Variants in CAB39 observed in about 807,000 individuals in gnomAD.
CAB39 encodes the protein calcium-binding protein 39.
A neutral mutation model predicts 40.0 loss-of-function variants in CAB39; 8 were observed. The ratio of observed to expected loss-of-function variants is 0.20; its 90% confidence interval spans 0.12 to 0.36. The LOEUF is 0.36. CAB39 is among the 10% of genes least tolerant of loss of function. CAB39 has a pLI of 1.00. For missense variants in CAB39, 270 were observed against 401.1 expected, an observed-to-expected ratio of 0.67 and a Z score of 2.79; for synonymous variants, 156 against 141.6, an observed-to-expected ratio of 1.10 and a Z score of -0.72.
intron 2 of CAB39, among the ~76,000 whole-genome samples, chr2:230,776,509 T>C (rs1485840964): frequency 6.6e-6 from 1 of 152,220 alleles, no homozygotes; most frequent in Non-Finnish European, 1.5e-5. Flanking sequence ...GTCTATACAT[T>C]TTATTACTTC....
chr2:230,727,524 CCCT>C (rs1694608899), intron 1 of CAB39, among the ~76,000 whole-genome samples: 1 of 151,122 alleles, frequency 6.6e-6, no homozygotes. Context: ...GAGTGATCCT[CCCT>C]CCTCAGCTTC....
intron 6 of CAB39, among the ~76,000 whole-genome samples, 164 bp downstream of exon 6, chr2:230,810,486 C>G (rs1431856507): frequency 6.6e-6 from 1 of 152,200 alleles, no homozygotes; most frequent in Non-Finnish European, 1.5e-5. Flanking sequence ...TAGAATATTA[C>G]TTGGTCAGAA....
At chr2:230,773,199 T>C (rs971932512) in intron 2 of CAB39, among the ~76,000 whole-genome samples, 3 of 151,728 alleles carry the variant, frequency 2.0e-5, no homozygotes, top group Non-Finnish European at 4.4e-5. Flanking sequence ...GGTTGCATGG[T>C]AGAGGGAGGG....
intron 1 of CAB39, among the ~76,000 whole-genome samples, chr2:230,742,558 C>CAA (rs112074993): frequency 8.5e-4 from 51 of 60,350 alleles, no homozygotes; most frequent in African/African-American, 2.4e-3. Flanking sequence ...AACATATTTG[C>CAA]AAAAAAAAAA....
chr2:230,808,348 C>T (rs1030703472), intron 5 of CAB39, among the ~76,000 whole-genome samples: 26 of 152,182 alleles, frequency 1.7e-4, no homozygotes, highest in African/African-American at 4.1e-4. Flanking sequence ...AGGCACTATT[C>T]TTTAGGGGTG....
intron 2 of CAB39, among the ~76,000 whole-genome samples, chr2:230,774,095 T>C (rs767161074): frequency 6.6e-6 from 1 of 152,224 alleles, no homozygotes; most frequent in African/African-American, 2.4e-5. Context: ...AAAGCTGTTA[T>C]TTACTAGGCT....
rs797016792 is a variant in CAB39 at position 230,796,347 on chromosome 2, A to AT, written c.399-2372dup. Among the ~76,000 whole-genome samples the AT allele has an allele frequency of 1.2e-3, 172 of 148,874 alleles. 1 individual carries two copies. Among genetic ancestry groups the AT allele is most frequent in the East Asian group, 0.01 (53 of 5,102 alleles). ...TAGTGTTAGACTACATTTGGAGGCGATTTTTTTTTTACTGGCAATTTACAT... is the reference window on the plus strand; with the variant it reads ...TAGTGTTAGACTACATTTGGAGGCGATTTTTTTTTTTACTGGCAATTTACAT... On this transcript the variant is annotated intron_variant, in intron 4 of 8. Coordinates refer to ENST00000258418, the MANE Select transcript of CAB39 (RefSeq NM_016289.4).
chr2:230,744,833 G>T (rs78197838), intron 1 of CAB39, among the ~76,000 whole-genome samples: 2 of 152,170 alleles, frequency 1.3e-5, no homozygotes, highest in African/African-American at 4.8e-5. Flanking sequence ...TGAAGTTCCT[G>T]TTTGTAAAAT....
At chr2:230,727,566 C>T (rs2124867581) in intron 1 of CAB39, among the ~76,000 whole-genome samples, 1 of 151,852 alleles carries the variant, frequency 6.6e-6, no homozygotes, top group African/African-American at 2.4e-5. Context: ...AGGTGTGCAC[C>T]ACCATACCCA....
At chr2:230,750,784 A>G (rs1294527353) in intron 1 of CAB39, among the ~76,000 whole-genome samples, 1 of 152,204 alleles carries the variant, frequency 6.6e-6, no homozygotes, top group Non-Finnish European at 1.5e-5. Flanking sequence ...AGATATGCAG[A>G]TACAGTGCTA....
intron 4 of CAB39, among the ~76,000 whole-genome samples, chr2:230,796,347 A>T (rs1428833209): frequency 2.0e-5 from 3 of 148,822 alleles, no homozygotes; most frequent in African/African-American, 7.4e-5. Context: ...TTTGGAGGCG[A>T]TTTTTTTTTT....
intron 1 of CAB39, among the ~76,000 whole-genome samples, chr2:230,737,823 A>G (rs1199584969): frequency 6.6e-6 from 1 of 152,216 alleles, no homozygotes; most frequent in Non-Finnish European, 1.5e-5. Flanking sequence ...CTTTGAGATT[A>G]AAAAGCAAGT....
At chr2:230,791,136 C>T in intron 3 of CAB39, 100 bp downstream of exon 3, 1 of 952,748 alleles carries the variant, frequency 1.0e-6, no homozygotes, top group Non-Finnish European at 1.5e-6. Flanking sequence ...CTTTTGGGCT[C>T]TTGGCTCAGG....
intron 1 of CAB39, among the ~76,000 whole-genome samples, chr2:230,718,970 T>C (rs1205814812): frequency 2.6e-5 from 4 of 152,232 alleles, no homozygotes; most frequent in Non-Finnish European, 5.9e-5. Context: ...TAATGTCTTC[T>C]TTTGGACCTT....
intron 1 of CAB39, among the ~76,000 whole-genome samples, chr2:230,736,390 C>A (rs189068736): frequency 5.3e-5 from 8 of 151,982 alleles, no homozygotes; most frequent in African/African-American, 1.9e-4. Flanking sequence ...TTTCTTCTCC[C>A]CTTCTGTCTC....
At chr2:230,799,022 G>T (rs1163252883) in intron 5 of CAB39, 125 bp downstream of exon 5, 5 of 667,552 alleles carry the variant, frequency 7.5e-6, no homozygotes, top group Admixed American at 3.2e-5. Flanking sequence ...GATACATTTT[G>T]TATATGTTTG....
At chr2:230,784,107 G>A (rs1481091664) in intron 2 of CAB39, among the ~76,000 whole-genome samples, 1 of 152,196 alleles carries the variant, frequency 6.6e-6, no homozygotes, top group Admixed American at 6.5e-5. Flanking sequence ...TTTGGGTGGT[G>A]ATGGTAGACG....
In CAB39 at chr2:230,819,833, A is replaced by G. The variant is rs1354292322; in HGVS notation, c.*1129A>G. 3 of 152,504 alleles carry G rather than the reference A, an allele frequency of 2.0e-5. No individual in the cohort carries two copies. The highest frequency in any genetic ancestry group is 4.8e-5 in the African/African-American group (2 of 41,462). The allele number at this position is 152,504 out of a possible 1,614,324, so 9.4% of individuals were successfully genotyped here. On this transcript the variant is annotated 3_prime_UTR_variant, in exon 9 of 9. Coordinates refer to ENST00000258418, the MANE Select transcript of CAB39 (RefSeq NM_016289.4). ...GCCAGATCTGTGAATGATAGAGATT[A>G]TGCTAAATTAATGCTGATTCTTTGT...
intron 2 of CAB39, among the ~76,000 whole-genome samples, chr2:230,767,174 T>C (rs1026792986): frequency 4.6e-5 from 7 of 152,240 alleles, no homozygotes; most frequent in Non-Finnish European, 1.0e-4. Context: ...CTACTCTGTT[T>C]TGAAGCAAAA....
Sources: allele counts gnomAD v4.1 joint callset (sites outside exome capture counted in the v4.1 genomes callset), GRCh38; gene constraint gnomAD v4.1.1; transcripts MANE v1.5; gene names NCBI Gene and HGNC (gene_info 2026-07-23, HGNC 2026-07-21).